Variants in MCF2L2 observed in about 807,000 individuals in gnomAD.
The protein encoded by MCF2L2 is MCF.2 cell line derived transforming sequence-like 2.
MCF2L2 carries 102 observed loss-of-function variants against 150.2 expected under a neutral mutation model. The ratio of observed to expected loss-of-function variants is 0.68; its 90% CI spans 0.58 to 0.80. The LOEUF (loss-of-function observed/expected upper bound fraction) is 0.80, where lower values mean the gene tolerates loss of function less well. Ranked by LOEUF, MCF2L2 falls within the 30% of genes least tolerant of loss-of-function variation. The pLI is 0.00. For synonymous variants in MCF2L2, 465 were observed against 491.3 expected, an observed-to-expected ratio of 0.95 and a Z score of 0.71; for missense variants, 1,256 against 1,372.8, an observed-to-expected ratio of 0.91 and a Z score of 1.34.
chr3:183,199,031 G>C (rs1722167659), intron 25 of MCF2L2, among the ~76,000 whole-genome samples: 1 of 152,050 alleles, frequency 6.6e-6, no homozygotes, highest in Non-Finnish European at 1.5e-5. Context: ...ATTGTTACTA[G>C]TTCCTGGCAG....
At chr3:183,310,712 G>A in intron 9 of MCF2L2, 1 of 562,368 alleles carries the variant, frequency 1.8e-6, no homozygotes, top group South Asian at 2.2e-5. Flanking sequence ...TACATCAACA[G>A]GTAAATGGGA....
At chr3:183,199,594 T>C (rs1049201349) in intron 25 of MCF2L2, among the ~76,000 whole-genome samples, 2 of 152,082 alleles carry the variant, frequency 1.3e-5, no homozygotes, top group African/African-American at 4.8e-5. Context: ...AGAAAATTTA[T>C]TTTCAGAATA....
At chr3:183,411,791 A>C (rs1007237870) in intron 1 of MCF2L2, among the ~76,000 whole-genome samples, 1 of 152,182 alleles carries the variant, frequency 6.6e-6, no homozygotes, top group Non-Finnish European at 1.5e-5. Flanking sequence ...GAAGCATTTT[A>C]TCAAGCTGAG....
chr3:183,370,686 C>T (rs1313151130), intron 3 of MCF2L2, among the ~76,000 whole-genome samples: 1 of 152,180 alleles, frequency 6.6e-6, no homozygotes, highest in Non-Finnish European at 1.5e-5. Context: ...GAAGAAGTAA[C>T]ATCAGACCCC....
chr3:183,215,778 G>C (rs1396002969), intron 22 of MCF2L2, among the ~76,000 whole-genome samples, 191 bp downstream of exon 22: 1 of 152,176 alleles, frequency 6.6e-6, no homozygotes, highest in Non-Finnish European at 1.5e-5. Flanking sequence ...ATAAATCCAA[G>C]ATTCCTGAAG....
chr3:183,275,068 T>C (rs1032972602), intron 15 of MCF2L2, among the ~76,000 whole-genome samples: 4 of 152,114 alleles, frequency 2.6e-5, no homozygotes, highest in Non-Finnish European at 5.9e-5. Flanking sequence ...GTTTTTCCTA[T>C]ACCTGTTGAA....
At chr3:183,389,576 G>A (rs1402196910) in intron 2 of MCF2L2, 120 bp downstream of exon 2, 1 of 804,758 alleles carries the variant, frequency 1.2e-6, no homozygotes, top group Non-Finnish European at 2.1e-6. Context: ...TCTAGTCCCG[G>A]GTGAAGCCTA....
chr3:183,209,909 C>A (rs1055536341), intron 22 of MCF2L2, among the ~76,000 whole-genome samples: 1 of 151,608 alleles, frequency 6.6e-6, no homozygotes, highest in Non-Finnish European at 1.5e-5. Flanking sequence ...TAACTCAGTA[C>A]GTATGCAAAT....
chr3:183,412,430 G>A (rs905035218), intron 1 of MCF2L2, among the ~76,000 whole-genome samples: 1 of 152,096 alleles, frequency 6.6e-6, no homozygotes, highest in Admixed American at 6.5e-5. Context: ...GAGTAGCTGG[G>A]ATTACAGGCA....
intron 5 of MCF2L2, among the ~76,000 whole-genome samples, chr3:183,329,666 A>T (rs1730188896): frequency 6.6e-6 from 1 of 152,272 alleles, no homozygotes; most frequent in Non-Finnish European, 1.5e-5. Flanking sequence ...AAGTGAAAGA[A>T]GTCAGACTCA....
chr3:183,320,474 G>C (rs6799566), intron 6 of MCF2L2, among the ~76,000 whole-genome samples: 21,567 of 152,120 alleles, frequency 0.14, 1,685 homozygotes, highest in African/African-American at 0.2. Flanking sequence ...CCTTGCACTT[G>C]TATGTTACAG....
At chr3:183,422,311 G>C (rs1190797647) in intron 1 of MCF2L2, among the ~76,000 whole-genome samples, 1 of 152,130 alleles carries the variant, frequency 6.6e-6, no homozygotes, top group East Asian at 1.9e-4. Context: ...CTCAGTTTTA[G>C]CTAAAGTCAG....
intron 3 of MCF2L2, among the ~76,000 whole-genome samples, chr3:183,358,338 G>T (rs569784473): frequency 6.6e-6 from 1 of 152,170 alleles, no homozygotes; most frequent in Non-Finnish European, 1.5e-5. Context: ...AAAAAGAAGA[G>T]TGTGGTGTTA....
intron 22 of MCF2L2, among the ~76,000 whole-genome samples, chr3:183,210,162 T>C (rs1459341229): frequency 6.6e-6 from 1 of 152,110 alleles, no homozygotes; most frequent in African/African-American, 2.4e-5. Context: ...TAGTCGCAAC[T>C]ACTTGGGAGG....
chr3:183,337,990 T>A (rs1239942400), intron 5 of MCF2L2, among the ~76,000 whole-genome samples: 2 of 152,228 alleles, frequency 1.3e-5, no homozygotes, highest in East Asian at 3.8e-4. Context: ...CTTCTGAGAA[T>A]CACAATGTTG....
chr3:183,379,891 G>GTA (rs924631743), intron 2 of MCF2L2, among the ~76,000 whole-genome samples: 48 of 151,392 alleles, frequency 3.2e-4, no homozygotes, highest in African/African-American at 1.1e-3. Context: ...ATATATGTAT[G>GTA]TATATATATA....
chr3:183,407,088 T>G (rs1049525877), intron 1 of MCF2L2, among the ~76,000 whole-genome samples: 3 of 152,208 alleles, frequency 2.0e-5, no homozygotes, highest in African/African-American at 7.2e-5. Flanking sequence ...GTCTAATTGT[T>G]CCAGCACCAT....
chr3:183,427,756 C>T, intron 1 of MCF2L2, 146 bp downstream of exon 1: 2 of 719,364 alleles, frequency 2.8e-6, no homozygotes, highest in East Asian at 5.5e-5. Flanking sequence ...CAGGCAGGAC[C>T]CAGAGCAGCG....
chr3:183,249,390 A>G (rs1391858679), intron 15 of MCF2L2, among the ~76,000 whole-genome samples: 1 of 152,232 alleles, frequency 6.6e-6, no homozygotes, highest in African/African-American at 2.4e-5. Context: ...CCCAGCCAGC[A>G]GGGCCTGCCC....
Sources: allele counts gnomAD v4.1 joint callset (sites outside exome capture counted in the v4.1 genomes callset), GRCh38; gene constraint gnomAD v4.1.1; transcripts MANE v1.5; gene names NCBI Gene and HGNC (gene_info 2026-07-23, HGNC 2026-07-21).